CFAP61: variants seen among roughly 807,000 people sequenced by gnomAD.
CFAP61 encodes the protein cilia- and flagella-associated protein 61.
CFAP61 carries 107 observed loss-of-function variants against 135.6 expected under a neutral mutation model. That is an observed-to-expected ratio of 0.79 (90% CI 0.67 to 0.93). CFAP61 has a LOEUF of 0.93. CFAP61 is among the 40% of genes least tolerant of loss of function. CFAP61 has a pLI of 0.00. For synonymous variants in CFAP61, 575 were observed against 578.5 expected (o/e 0.99, Z 0.09); for missense variants, 1,507 against 1,556.2 (o/e 0.97, Z 0.53).
chr20:20,121,523 C>T (rs1361769059), intron 8 of CFAP61, among the ~76,000 whole-genome samples: 1 of 152,072 alleles, frequency 6.6e-6, no homozygotes, highest in African/African-American at 2.4e-5. Flanking sequence ...GAGACAGGGT[C>T]TTGCTCTGTC....
chr20:20,173,770 T>C (rs2054400417), intron 13 of CFAP61, among the ~76,000 whole-genome samples: 1 of 152,138 alleles, frequency 6.6e-6, no homozygotes, highest in Admixed American at 6.5e-5. Context: ...TTGGTGACTT[T>C]TTTTCTTGGA....
intron 18 of CFAP61, among the ~76,000 whole-genome samples, chr20:20,229,954 T>C (rs1452660076): frequency 6.6e-6 from 1 of 152,226 alleles, no homozygotes; most frequent in African/African-American, 2.4e-5. Context: ...TCGAAAACTT[T>C]TGAACAGCAA....
At chr20:20,169,285 A>G (rs779304687) in intron 12 of CFAP61, 36 bp from the exon 13 acceptor site, 2 of 1,559,054 alleles carry the variant, frequency 1.3e-6, no homozygotes, top group Non-Finnish European at 8.7e-7. Context: ...AATTTTTTTT[A>G]TTCTTTCTCT....
At chr20:20,351,313 G>A (rs139335967) in intron 26 of CFAP61, among the ~76,000 whole-genome samples, 4,809 of 152,244 alleles carry the variant, frequency 0.032, 246 homozygotes, top group African/African-American at 0.11. Context: ...AGGCATGGTG[G>A]CTCACACCTG....
intron 8 of CFAP61, among the ~76,000 whole-genome samples, chr20:20,115,830 C>T (rs555098976): frequency 1.3e-5 from 2 of 152,246 alleles, no homozygotes; most frequent in African/African-American, 4.8e-5. Flanking sequence ...TTGCTTTATC[C>T]ATTCATCCAT....
chr20:20,165,871 A>T (rs1479436910), intron 11 of CFAP61, among the ~76,000 whole-genome samples: 1 of 152,220 alleles, frequency 6.6e-6, no homozygotes, highest in Non-Finnish European at 1.5e-5. Flanking sequence ...TGTTGTAGAC[A>T]TATAAAACCT....
intron 8 of CFAP61, among the ~76,000 whole-genome samples, chr20:20,121,830 A>T (rs1275358002): frequency 6.7e-6 from 1 of 150,030 alleles, no homozygotes; most frequent in Non-Finnish European, 1.5e-5. Context: ...TTTGTTGCTT[A>T]TTTTCTGGTG....
intron 15 of CFAP61, among the ~76,000 whole-genome samples, chr20:20,193,582 G>A (rs968334613): frequency 1.3e-5 from 2 of 151,926 alleles, no homozygotes; most frequent in African/African-American, 4.8e-5. Context: ...TCATTTGGCT[G>A]TGTGTAGAAT....
intron 9 of CFAP61, among the ~76,000 whole-genome samples, chr20:20,153,466 A>G (rs1226227938): frequency 6.6e-6 from 1 of 152,130 alleles, no homozygotes; most frequent in Non-Finnish European, 1.5e-5. Context: ...TTGATAGACC[A>G]TTACCAAGAT....
intron 21 of CFAP61, among the ~76,000 whole-genome samples, chr20:20,263,551 T>C (rs2052445796): frequency 6.6e-6 from 1 of 152,166 alleles, no homozygotes; most frequent in African/African-American, 2.4e-5. Flanking sequence ...TCACAACCCA[T>C]TGTTCTCTTT....
At chr20:20,343,179 T>G (rs557015700) in intron 26 of CFAP61, among the ~76,000 whole-genome samples, 11 of 152,082 alleles carry the variant, frequency 7.2e-5, no homozygotes, top group Non-Finnish European at 1.2e-4. Context: ...TTAAATCAGC[T>G]CCATGGTAAC....
intron 6 of CFAP61, among the ~76,000 whole-genome samples, chr20:20,079,164 T>C (rs1372494445): frequency 1.3e-5 from 2 of 152,176 alleles, no homozygotes; most frequent in African/African-American, 4.8e-5. Context: ...ACAGCCTGAT[T>C]TGCTCTTTTT....
intron 22 of CFAP61, among the ~76,000 whole-genome samples, chr20:20,279,347 A>C (rs1217441441): frequency 6.6e-6 from 1 of 152,244 alleles, no homozygotes; most frequent in Non-Finnish European, 1.5e-5. Flanking sequence ...CCAGAAGCCT[A>C]ACTGGTCACA....
intron 13 of CFAP61, among the ~76,000 whole-genome samples, chr20:20,177,139 A>G (rs2054693638): frequency 6.6e-6 from 1 of 152,120 alleles, no homozygotes. Flanking sequence ...TGTGGACTAT[A>G]ACAGTTTTAC....
At chr20:20,191,268 C>A in intron 14 of CFAP61, 74 bp from the exon 15 acceptor site, 1 of 1,241,544 alleles carries the variant, frequency 8.1e-7, no homozygotes, top group Non-Finnish European at 1.2e-6. Context: ...TGGTTAAGAC[C>A]CACTGTTGCC....
At chr20:20,069,689 G>C in intron 2 of CFAP61, 1 of 452,760 alleles carries the variant, frequency 2.2e-6, no homozygotes. Context: ...GTTATCAATG[G>C]AAGGTGGGAT....
chr20:20,133,491 C>T (rs1028438), intron 8 of CFAP61, among the ~76,000 whole-genome samples: 136,972 of 151,948 alleles, frequency 0.9, 62,552 homozygotes, highest in Middle Eastern at 0.99. Context: ...CTAACACATG[C>T]CACTTGTCCA....
chr20:20,137,762 C>G (rs532900485), intron 8 of CFAP61, among the ~76,000 whole-genome samples: 1 of 152,278 alleles, frequency 6.6e-6, no homozygotes, highest in Non-Finnish European at 1.5e-5. Flanking sequence ...CAAGCTGACA[C>G]CTAAGCTCAA....
intron 21 of CFAP61, chr20:20,265,827 TA>T (rs11298598): frequency 0.081 from 18,159 of 222,842 alleles, 901 homozygotes; most frequent in Middle Eastern, 0.13. Flanking sequence ...CATCTTGCCT[TA>T]AAAAAACTTT....
Sources: gnomAD v4.1 joint callset for allele counts (sites outside exome capture counted in the v4.1 genomes callset) on GRCh38, gnomAD v4.1.1 for gene constraint, MANE v1.5 for transcripts, NCBI Gene and HGNC (gene_info 2026-07-23, HGNC 2026-07-21) for gene names.